LRRC56: variants seen among roughly 807,000 people sequenced by gnomAD.
LRRC56 encodes leucine rich repeat containing 56, also known as leucine-rich repeat-containing protein 56.
Under a neutral mutation model 47.8 loss-of-function variants are expected in LRRC56, and 41 were observed. That is an observed-to-expected ratio of 0.86 (90% confidence interval 0.67 to 1.11). The LOEUF is 1.11. Among genes scored for constraint, LRRC56 ranks in the 50% most tolerant of loss-of-function variants. The probability of loss-of-function intolerance (pLI) is 0.00; values close to 1 mark genes in which losing one functional copy is unlikely to be tolerated. For synonymous variants in LRRC56, 387 were observed against 311.2 expected (o/e 1.24, Z -2.56); for missense variants, 759 against 704.2 (o/e 1.08, Z -0.88).
At chr11:534,509 C>G (rs908216468), upstream of LRRC56, 1 of 608,474 alleles carries the variant, frequency 1.6e-6, no homozygotes, top group African/African-American at 1.9e-5. Flanking sequence ...AGGACTGCAG[C>G]GTGCCTACCT....
At chr11:537,463 G>A (rs1386259972), upstream of LRRC56, 3 of 152,382 alleles carry the variant, frequency 2.0e-5, no homozygotes, top group East Asian at 3.9e-4. Context: ...GTATTCAAAT[G>A]AGGCCTGGCT....
the LRRC56 span, among the ~76,000 whole-genome samples, chr11:526,937 A>C: frequency 6.6e-6 from 1 of 152,034 alleles, no homozygotes; most frequent in East Asian, 1.9e-4. Flanking sequence ...ACACCGTCTA[A>C]AAAAAGAAAA....
the LRRC56 span, among the ~76,000 whole-genome samples, chr11:513,382 C>G: frequency 6.6e-6 from 1 of 152,132 alleles, no homozygotes; most frequent in Non-Finnish European, 1.5e-5. Context: ...GAACTCCTGG[C>G]CTCAAGTGAT....
chr11:539,907 G>A (rs893974069), intron 3 of LRRC56, among the ~76,000 whole-genome samples, 181 bp downstream of exon 3: 8 of 152,162 alleles, frequency 5.3e-5, no homozygotes, highest in Admixed American at 5.2e-4. Flanking sequence ...CAGGCATTGT[G>A]TTGGGGGACC....
chr11:516,337 G>A, the LRRC56 span, among the ~76,000 whole-genome samples: 1 of 152,050 alleles, frequency 6.6e-6, no homozygotes, highest in Admixed American at 6.6e-5. Flanking sequence ...AGGCTGCAGT[G>A]AGCTGAGATC....
At chr11:534,673 CAGAA>C (rs1320601914), upstream of LRRC56, 7 of 391,902 alleles carry the variant, frequency 1.8e-5, no homozygotes, top group Non-Finnish European at 2.9e-5. Context: ...GCTGGGTCGG[CAGAA>C]AGGCTAAAGG....
At chr11:517,383 G>A in the LRRC56 span, among the ~76,000 whole-genome samples, 34 of 146,546 alleles carry the variant, frequency 2.3e-4, no homozygotes, top group South Asian at 1.1e-3. Flanking sequence ...CAGCTGCCCC[G>A]TCTGGGAGGT....
chr11:524,293 T>C, the LRRC56 span, among the ~76,000 whole-genome samples: 2 of 152,056 alleles, frequency 1.3e-5, no homozygotes, highest in Admixed American at 6.6e-5. Flanking sequence ...CACACAAATA[T>C]GGCTCATGGA....
the LRRC56 span, among the ~76,000 whole-genome samples, chr11:507,511 G>A: frequency 6.6e-6 from 1 of 152,176 alleles, no homozygotes; most frequent in Non-Finnish European, 1.5e-5. Context: ...GCGTGTTGTG[G>A]GCCTCGCACT....
chr11:533,688 G>A (rs1851263797), upstream of LRRC56: 3 of 1,611,424 alleles, frequency 1.9e-6, no homozygotes, highest in Non-Finnish European at 2.5e-6. Flanking sequence ...AGAGAGGACA[G>A]GAGGCCCCTG....
At chr11:531,156 G>A in the LRRC56 span, among the ~76,000 whole-genome samples, 4 of 150,998 alleles carry the variant, frequency 2.6e-5, no homozygotes, top group Non-Finnish European at 4.4e-5. Flanking sequence ...GGAGTGTGGC[G>A]TCCCCTGGAG....
In LRRC56 at chr11:552,217, GGGAACAT is replaced by G; in HGVS notation, c.1169_1175del (p.Glu390AlafsTer18). On this transcript the variant is annotated frameshift_variant, in exon 12 of 14. Transcript: ENST00000270115. LOFTEE classifies it high-confidence loss of function. ...GCCTTGGCTGGGCTCAGGGCCTGGA[GGGAACAT>G]GGCGTGCGGTGGGTGTCCCTCCAGC... is the stretch of plus-strand genomic sequence containing the variant. The G allele has an allele frequency of 6.2e-7, 1 of 1,611,356 alleles. No individual in the cohort carries two copies. The highest frequency in any genetic ancestry group is 8.5e-7 in the Non-Finnish European group (1 of 1,178,892).
the LRRC56 span, among the ~76,000 whole-genome samples, chr11:520,717 C>T: frequency 2.0e-5 from 3 of 152,128 alleles, no homozygotes; most frequent in East Asian, 1.9e-4. Context: ...CCCCCCGAGT[C>T]GCCCTCTCCC....
chr11:546,763 T>A (rs1220810758), intron 6 of LRRC56, among the ~76,000 whole-genome samples: 1 of 150,806 alleles, frequency 6.6e-6, no homozygotes, highest in African/African-American at 2.4e-5. Context: ...CTTAGAAACA[T>A]GTCTCCCAGC....
At chr11:536,149 G>A (rs181098342), upstream of LRRC56, among the ~76,000 whole-genome samples, 1 of 152,234 alleles carries the variant, frequency 6.6e-6, no homozygotes, top group East Asian at 1.9e-4. Context: ...CCCCGAGGAC[G>A]CTTGCAGCCC....
At chr11:527,448 G>A in the LRRC56 span, among the ~76,000 whole-genome samples, 5 of 152,120 alleles carry the variant, frequency 3.3e-5, no homozygotes, top group Non-Finnish European at 5.9e-5. Context: ...CCCTGCCCAC[G>A]GCCACCCTAC....
At chr11:523,271 C>T in the LRRC56 span, among the ~76,000 whole-genome samples, 7 of 29,354 alleles carry the variant, frequency 2.4e-4, no homozygotes, top group African/African-American at 1.1e-3. Flanking sequence ...TCAGGTGATT[C>T]GCTCGCTTTG....
intron 13 of LRRC56, 62 bp from the exon 14 acceptor site, chr11:553,901 C>T: frequency 6.6e-7 from 1 of 1,512,476 alleles, no homozygotes; most frequent in South Asian, 1.2e-5. Flanking sequence ...GTGGCCTCCC[C>T]ACCGGGTGAC....
the LRRC56 span, among the ~76,000 whole-genome samples, chr11:520,998 T>C: frequency 1.3e-5 from 2 of 152,228 alleles, no homozygotes; most frequent in Non-Finnish European, 1.5e-5. Context: ...CACCGGCATT[T>C]ACTCACCGAT....
Sources: gnomAD v4.1 joint callset for allele counts (sites outside exome capture counted in the v4.1 genomes callset) on GRCh38, gnomAD v4.1.1 for gene constraint, MANE v1.5 for transcripts, NCBI Gene and HGNC (gene_info 2026-07-23, HGNC 2026-07-21) for gene names.